The following COL28A1 variants were observed in gnomAD, a reference collection of about 807,000 sequenced individuals.
COL28A1 encodes collagen alpha-1(XXVIII) chain.
Under a neutral mutation model 150.2 loss-of-function variants are expected in COL28A1, and 161 were observed. That is an observed-to-expected ratio of 1.07 (90% confidence interval 0.94 to 1.22). The LOEUF is 1.22. Among genes scored for constraint, COL28A1 ranks in the 50% most tolerant of loss-of-function variants. The probability of loss-of-function intolerance (pLI) is 0.00; values close to 1 mark genes in which losing one functional copy is unlikely to be tolerated. For synonymous variants in COL28A1, 552 were observed against 469.7 expected (o/e 1.18, Z -2.26); for missense variants, 1,617 against 1,388.3 (o/e 1.16, Z -2.62).
chr7:7,452,490 TG>T, intron 17 of COL28A1, 103 bp from the exon 18 acceptor site: 1 of 1,438,182 alleles, frequency 7.0e-7, no homozygotes, highest in East Asian at 2.5e-5. Flanking sequence ...AACAGTTTCA[TG>T]TGCTCAATTC....
intron 34 of COL28A1, 73 bp downstream of exon 34, chr7:7,360,317 C>A: frequency 1.4e-6 from 2 of 1,408,448 alleles, no homozygotes; most frequent in Non-Finnish European, 1.9e-6. Context: ...GCAGATCTCT[C>A]TTTCCTTTGT....
At chr7:7,370,333 G>C (rs1781156602) in intron 33 of COL28A1, among the ~76,000 whole-genome samples, 1 of 152,162 alleles carries the variant, frequency 6.6e-6, no homozygotes, top group African/African-American at 2.4e-5. Context: ...AGGGTACAAA[G>C]TGGGAAGCAG....
chr7:7,459,076 T>C (rs1007981731), intron 15 of COL28A1, among the ~76,000 whole-genome samples: 1 of 152,192 alleles, frequency 6.6e-6, no homozygotes, highest in African/African-American at 2.4e-5. Context: ...AAAAAGAAGA[T>C]GGTATTGAGG....
intron 23 of COL28A1, among the ~76,000 whole-genome samples, chr7:7,435,158 G>A (rs867195707): frequency 6.6e-6 from 1 of 152,130 alleles, no homozygotes; most frequent in Middle Eastern, 3.2e-3. Context: ...AACAGGTGAG[G>A]CCTATAAACT....
the COL28A1 span, among the ~76,000 whole-genome samples, chr7:7,340,201 G>A: frequency 6.6e-6 from 1 of 152,022 alleles, no homozygotes; most frequent in Non-Finnish European, 1.5e-5. Flanking sequence ...ATGGTAGCAT[G>A]AGCTACCATG....
intron 33 of COL28A1, among the ~76,000 whole-genome samples, chr7:7,363,681 G>T (rs77220752): frequency 0.072 from 10,966 of 151,498 alleles, 1,235 homozygotes; most frequent in African/African-American, 0.24. Context: ...CCATTTTTTT[G>T]TTGTTGTTGT....
chr7:7,432,350 A>T, intron 25 of COL28A1, 123 bp downstream of exon 25: 1 of 711,622 alleles, frequency 1.4e-6, no homozygotes, highest in Non-Finnish European at 2.4e-6. Flanking sequence ...AGGGCAAATA[A>T]CTTTATCAAT....
chr7:7,421,688 C>T (rs17151541), intron 25 of COL28A1, among the ~76,000 whole-genome samples: 14,935 of 152,238 alleles, frequency 0.098, 878 homozygotes, highest in Middle Eastern at 0.2. Flanking sequence ...CTCTAAAATA[C>T]TTCCAGATAA....
At chr7:7,444,101 ACTTGC>A (rs1786051465) in intron 19 of COL28A1, among the ~76,000 whole-genome samples, 1 of 151,134 alleles carries the variant, frequency 6.6e-6, no homozygotes, top group African/African-American at 2.4e-5. Context: ...GCATTTACAG[ACTTGC>A]CTCTTAGGGG....
intron 15 of COL28A1, among the ~76,000 whole-genome samples, chr7:7,464,830 T>C (rs188695407): frequency 3.3e-5 from 5 of 152,078 alleles, no homozygotes; most frequent in African/African-American, 7.2e-5. Context: ...CTGAATGAAA[T>C]TGAAAATTAG....
the COL28A1 span, among the ~76,000 whole-genome samples, chr7:7,350,379 A>C: frequency 6.6e-6 from 1 of 152,168 alleles, no homozygotes; most frequent in Non-Finnish European, 1.5e-5. Flanking sequence ...GGAGAGTGAG[A>C]CAAGACATAT....
In COL28A1 at chr7:7,417,853, A is replaced by C; in HGVS notation, c.2136+6T>G. Reference sequence around the variant, plus strand: ...AGGTGACTCCAGCACAACCCTATTCACTTACTTTAATTCCCTGTGATCCAT... The same window carrying C: ...AGGTGACTCCAGCACAACCCTATTCCCTTACTTTAATTCCCTGTGATCCAT... On this transcript the variant is annotated splice_donor_region_variant and intron_variant, in intron 27 of 34. Transcript: ENST00000399429. 6.2e-7 allele frequency: 1 copy of C among 1,612,334 alleles called. No individual in the cohort carries two copies. The highest frequency in any genetic ancestry group is 8.5e-7 in the Non-Finnish European group (1 of 1,178,770).
chr7:7,391,845 C>T (rs201489637), intron 27 of COL28A1, among the ~76,000 whole-genome samples: 2 of 137,110 alleles, frequency 1.5e-5, no homozygotes, highest in African/African-American at 5.4e-5. Context: ...TGATAAATAT[C>T]CCTCCACCTC....
At position 7,363,125 on chromosome 7, in the gene COL28A1, A is replaced by C. The variant is rs193062765; in HGVS notation, c.3067-2597T>G. On this transcript the variant is annotated intron_variant, in intron 33 of 34. Coordinates refer to ENST00000399429, the MANE Select transcript of COL28A1 (RefSeq NM_001037763.3). ...TTAAGCAACAAATAAAAGTTTGAGG[A>C]GTAAGTTTATCAAACATAAAAGCCA... is the stretch of plus-strand genomic sequence containing the variant. 2.0e-3 allele frequency among the ~76,000 whole-genome samples: 309 copies of C among 152,304 alleles called. 1 individual carries two copies. Among genetic ancestry groups the C allele is most frequent in the African/African-American group, 7.0e-3 (291 of 41,564 alleles).
chr7:7,442,986 G>A (rs1217141265), intron 20 of COL28A1, among the ~76,000 whole-genome samples: 1 of 150,122 alleles, frequency 6.7e-6, no homozygotes, highest in Non-Finnish European at 1.5e-5. Context: ...AGTGAGCCAA[G>A]ATCGTGCCAC....
intron 27 of COL28A1, among the ~76,000 whole-genome samples, chr7:7,413,305 T>C (rs1180843747): frequency 2.0e-5 from 3 of 152,164 alleles, no homozygotes; most frequent in African/African-American, 7.2e-5. Flanking sequence ...ACCACCATAC[T>C]TTCTGTTCTC....
downstream of COL28A1, among the ~76,000 whole-genome samples, chr7:7,351,304 A>G (rs1780225835): frequency 6.6e-6 from 1 of 152,218 alleles, no homozygotes; most frequent in African/African-American, 2.4e-5. Flanking sequence ...TGACTGTCTT[A>G]CAATAATAAC....
At chr7:7,349,871 G>C in the COL28A1 span, among the ~76,000 whole-genome samples, 483 of 152,258 alleles carry the variant, frequency 3.2e-3, 3 homozygotes, top group African/African-American at 0.011. Context: ...GTAAGGGAGG[G>C]AGTGAAGAAG....
chr7:7,370,930 A>G, intron 32 of COL28A1, 48 bp from the exon 33 acceptor site: 2 of 1,323,186 alleles, frequency 1.5e-6, no homozygotes, highest in Non-Finnish European at 1.1e-6. Context: ...CAATGAAACA[A>G]TACTTAAAAC....
Sources: allele counts gnomAD v4.1 joint callset (sites outside exome capture counted in the v4.1 genomes callset), GRCh38; gene constraint gnomAD v4.1.1; transcripts MANE v1.5; gene names NCBI Gene and HGNC (gene_info 2026-07-23, HGNC 2026-07-21).